Variants in STK39 observed in about 807,000 individuals in gnomAD.
STK39 encodes STE20/SPS1-related proline-alanine-rich protein kinase.
A neutral mutation model predicts 77.8 loss-of-function variants in STK39; 20 were observed. The observed-to-expected ratio is 0.26, with a 90% CI of 0.18 to 0.37. The LOEUF is 0.37. Ranked by LOEUF, STK39 falls within the 10% of genes least tolerant of loss-of-function variation. The pLI is 1.00. For synonymous variants in STK39, 246 were observed against 234.1 expected, an observed-to-expected ratio of 1.05 and a Z score of -0.47; for missense variants, 479 against 656.5, an observed-to-expected ratio of 0.73 and a Z score of 2.95.
chr2:168,196,500 T>C (rs1180324641), intron 1 of STK39, among the ~76,000 whole-genome samples: 1 of 152,016 alleles, frequency 6.6e-6, no homozygotes, highest in Non-Finnish European at 1.5e-5. Context: ...CCATCTCTAC[T>C]AAAAATACAA....
chr2:168,128,593 T>A (rs141982815), intron 10 of STK39, among the ~76,000 whole-genome samples: 1 of 152,354 alleles, frequency 6.6e-6, no homozygotes, highest in East Asian at 1.9e-4. Context: ...GAATGGGACA[T>A]TTCTTAAAGT....
At position 167,954,297 on chromosome 2, in the gene STK39, C is replaced by A. The variant is rs1008908155; in HGVS notation, c.*1199G>T. The A allele has an allele frequency of 4.6e-5, 7 of 152,626 alleles. No homozygotes were observed. The highest frequency in any genetic ancestry group is 1.7e-4 in the African/African-American group (7 of 41,530). The allele number at this position is 152,626 out of a possible 1,614,324, so 9.5% of individuals were successfully genotyped here. ...GCCCACCTCCTTGAAAGATTAGACT[C>A]CAATTTTCAAAATCCTAAGGTTTAC... On this transcript the variant is annotated 3_prime_UTR_variant, in exon 18 of 18. Coordinates refer to ENST00000355999, the MANE Select transcript of STK39 (RefSeq NM_013233.3).
intron 14 of STK39, 96 bp from the exon 15 acceptor site, chr2:168,017,191 G>A: frequency 1.4e-6 from 1 of 730,926 alleles, no homozygotes; most frequent in Non-Finnish European, 2.1e-6. Context: ...ACTAACATGT[G>A]GATAACATTT....
intron 4 of STK39, among the ~76,000 whole-genome samples, chr2:168,162,215 G>A (rs971811807): frequency 1.3e-5 from 2 of 150,066 alleles, no homozygotes; most frequent in East Asian, 2.0e-4. Context: ...GAACCTGGGA[G>A]GTGGAGGCTG....
chr2:168,221,339 T>C (rs1174770935), intron 1 of STK39, among the ~76,000 whole-genome samples: 1 of 152,208 alleles, frequency 6.6e-6, no homozygotes. Context: ...TGTTAATACA[T>C]GCGTGTCAAA....
intron 10 of STK39, among the ~76,000 whole-genome samples, chr2:168,103,306 G>A (rs1048529966): frequency 6.6e-6 from 1 of 152,100 alleles, no homozygotes; most frequent in Non-Finnish European, 1.5e-5. Flanking sequence ...CAGCTACACT[G>A]TTTGCATCTT....
chr2:168,174,598 T>G (rs1403083413), intron 2 of STK39, among the ~76,000 whole-genome samples: 1 of 151,886 alleles, frequency 6.6e-6, no homozygotes, highest in Non-Finnish European at 1.5e-5. Context: ...GTGCTGAGGG[T>G]GCCACAGTGG....
intron 1 of STK39, among the ~76,000 whole-genome samples, chr2:168,199,911 G>A (rs913587248): frequency 7.2e-5 from 11 of 152,134 alleles, no homozygotes; most frequent in African/African-American, 2.2e-4. Flanking sequence ...TGGACAACAG[G>A]TCTTCAGCCA....
chr2:168,191,775 T>C (rs756227036), intron 1 of STK39, among the ~76,000 whole-genome samples: 5 of 152,188 alleles, frequency 3.3e-5, no homozygotes, highest in African/African-American at 7.2e-5. Flanking sequence ...AGCAATACTA[T>C]GTAATGCGAC....
chr2:168,085,563 G>T (rs1686344096), intron 10 of STK39, among the ~76,000 whole-genome samples: 2 of 152,226 alleles, frequency 1.3e-5, no homozygotes, highest in Admixed American at 1.3e-4. Flanking sequence ...AGAGGACAAG[G>T]TCATGATTTT....
At position 168,169,631 on chromosome 2, in the gene STK39, C is replaced by CGTGTGT. The variant is rs10611769; in HGVS notation, c.322-2230_322-2225dup. 7.3e-3 allele frequency among the ~76,000 whole-genome samples: 1,060 copies of CGTGTGT among 145,916 alleles called. 16 individuals are homozygous for CGTGTGT. Among genetic ancestry groups the CGTGTGT allele is most frequent in the African/African-American group, 0.023 (913 of 39,328 alleles). Reference sequence around the variant, plus strand: ...TCAGGTTCTCTGACTTTGCAGTGAGCGTGTGTGTGTGTGTGTGTGTGTGTG... The same window carrying CGTGTGT: ...TCAGGTTCTCTGACTTTGCAGTGAGCGTGTGTGTGTGTGTGTGTGTGTGTGTGTGTG... On this transcript the variant is annotated intron_variant, in intron 2 of 17. Coordinates refer to ENST00000355999, the MANE Select transcript of STK39 (RefSeq NM_013233.3).
At chr2:167,975,632 G>A (rs866423458) in intron 16 of STK39, among the ~76,000 whole-genome samples, 13 of 152,212 alleles carry the variant, frequency 8.5e-5, no homozygotes, top group East Asian at 1.9e-4. Context: ...TGGCTAACAC[G>A]GTGAAACCCC....
rs2105384925 is a variant in STK39 at position 168,063,585 on chromosome 2, C to T, written c.1306-15G>A. The T allele has an allele frequency of 6.2e-7, 1 of 1,605,164 alleles. No homozygotes were observed. Among genetic ancestry groups the T allele is most frequent in the Non-Finnish European group, 8.5e-7 (1 of 1,175,532 alleles). On this transcript the variant is annotated splice_polypyrimidine_tract_variant and intron_variant, in intron 13 of 17. Transcript: ENST00000355999. ...TTGGGTGGGCCCTTTAAAAAGAAAACAGCAAACAGTGTTATAAACTGTATC... is the reference window on the plus strand; with the variant it reads ...TTGGGTGGGCCCTTTAAAAAGAAAATAGCAAACAGTGTTATAAACTGTATC...
At chr2:168,152,386 G>T (rs1688312103) in intron 5 of STK39, among the ~76,000 whole-genome samples, 2 of 152,186 alleles carry the variant, frequency 1.3e-5, no homozygotes, top group South Asian at 4.1e-4. Flanking sequence ...GTCTTTAAGT[G>T]ACTGCAGCTA....
In STK39 at chr2:167,978,296, C is replaced by T. The variant is rs551398917; in HGVS notation, c.1499-13570G>A. Among the ~76,000 whole-genome samples, 64 of 151,980 alleles carry T rather than the reference C, an allele frequency of 4.2e-4. 1 individual carries two copies. Among genetic ancestry groups the T allele is most frequent in the South Asian group, 3.3e-3 (16 of 4,810 alleles). On this transcript the variant is annotated intron_variant, in intron 16 of 17. Coordinates refer to ENST00000355999, the MANE Select transcript of STK39 (RefSeq NM_013233.3). ...GCAAGAGGTGGTTTTTTGGGAGGTG[C>T]GGGGGAGAGGGCTTTAACTCTGAAA...
intron 1 of STK39, among the ~76,000 whole-genome samples, chr2:168,226,530 C>T (rs1690310318): frequency 6.6e-6 from 1 of 152,182 alleles, no homozygotes; most frequent in Admixed American, 6.5e-5. Context: ...CTTCATCACA[C>T]TTCATTTTTT....
At chr2:168,008,091 C>A (rs1574386851) in intron 16 of STK39, among the ~76,000 whole-genome samples, 1 of 152,296 alleles carries the variant, frequency 6.6e-6, no homozygotes, top group East Asian at 1.9e-4. Context: ...TGCTTTCTGA[C>A]TCCATGGATT....
chr2:168,009,329 C>T (rs1245438412), intron 16 of STK39, among the ~76,000 whole-genome samples: 1 of 152,082 alleles, frequency 6.6e-6, no homozygotes, highest in Non-Finnish European at 1.5e-5. Context: ...AGATCAAATA[C>T]ATTAGTTTGT....
At chr2:168,142,327 T>C in intron 5 of STK39, among the ~76,000 whole-genome samples, 1 of 152,190 alleles carries the variant, frequency 6.6e-6, no homozygotes, top group East Asian at 1.9e-4. Flanking sequence ...AATTTCAACT[T>C]AATTTATATT....
Sources: allele counts gnomAD v4.1 joint callset (sites outside exome capture counted in the v4.1 genomes callset), GRCh38; gene constraint gnomAD v4.1.1; transcripts MANE v1.5; gene names NCBI Gene and HGNC (gene_info 2026-07-23, HGNC 2026-07-21).